GALNT13: variants seen among roughly 807,000 people sequenced by gnomAD.
GALNT13 encodes the protein UDP-GalNAc:polypeptide N-acetylgalactosaminyltransferase 13.
Under a neutral mutation model 64.2 loss-of-function variants are expected in GALNT13, and 28 were observed. That is an observed-to-expected ratio of 0.44 (90% CI 0.32 to 0.60). The LOEUF is 0.60. GALNT13 is among the 20% of genes least tolerant of loss of function. GALNT13 has a pLI of 0.05. For missense variants in GALNT13, 577 were observed against 669.8 expected (o/e 0.86, Z 1.53); for synonymous variants, 214 against 224.6 (o/e 0.95, Z 0.42).
chr2:153,402,951 C>A, the GALNT13 span, among the ~76,000 whole-genome samples: 2 of 152,182 alleles, frequency 1.3e-5, no homozygotes, highest in African/African-American at 4.8e-5. Context: ...CTCCATCCAG[C>A]TTTGTTCCGT....
In GALNT13 at chr2:154,259,085, T is replaced by TA. The variant is rs974360346; in HGVS notation, c.923dup (p.Tyr308Ter). ...AAACTACTTTGAAGAGATAGGAACTTACGATGCAGGAATGGATATCTGGGG... is the reference window on the plus strand; with the variant it reads ...AAACTACTTTGAAGAGATAGGAACTTAACGATGCAGGAATGGATATCTGGGG... ...DRNYFEEIGTYDAGMDIWGGE... is the reference protein window; with the variant it reads ...DRNYFEEIGT Residue 308 changes from tyrosine to a stop codon, truncating the protein, a stop_gained and frameshift_variant, in exon 8 of 13, where the codon TAC becomes TAAC. Transcript: ENST00000392825. LOFTEE classifies it high-confidence loss of function. The TA allele has an allele frequency of 1.9e-6, 3 of 1,609,952 alleles. No individual in the cohort carries two copies. Among genetic ancestry groups the TA allele is most frequent in the Admixed American group, 3.4e-5 (2 of 59,486 alleles).
At chr2:154,220,542 A>G (rs1688269887) in intron 4 of GALNT13, among the ~76,000 whole-genome samples, 1 of 152,098 alleles carries the variant, frequency 6.6e-6, no homozygotes, top group African/African-American at 2.4e-5. Context: ...ACATGTGCAC[A>G]TATGCATACA....
At chr2:153,930,948 C>T (rs1343294761) in intron 2 of GALNT13, among the ~76,000 whole-genome samples, 1 of 151,930 alleles carries the variant, frequency 6.6e-6, no homozygotes, top group East Asian at 1.9e-4. Flanking sequence ...ATTCTTCCTT[C>T]TCATGAGCAT....
chr2:153,851,604 C>G, the GALNT13 span, among the ~76,000 whole-genome samples: 1 of 151,610 alleles, frequency 6.6e-6, no homozygotes, highest in Non-Finnish European at 1.5e-5. Context: ...ACTTGGGAGG[C>G]TGAGGCAGGA....
At chr2:153,270,723 C>A in the GALNT13 span, among the ~76,000 whole-genome samples, 2 of 152,038 alleles carry the variant, frequency 1.3e-5, no homozygotes, top group Non-Finnish European at 2.9e-5. Context: ...AGATGGCACA[C>A]CCCTTGTAGA....
chr2:153,609,405 A>G, the GALNT13 span, among the ~76,000 whole-genome samples: 32 of 152,266 alleles, frequency 2.1e-4, no homozygotes, highest in Middle Eastern at 6.8e-3. Flanking sequence ...GACAACAACT[A>G]TTTTAAGTGT....
chr2:154,043,257 C>G (rs955753073), intron 3 of GALNT13, among the ~76,000 whole-genome samples: 1 of 151,046 alleles, frequency 6.6e-6, no homozygotes, highest in Admixed American at 6.6e-5. Flanking sequence ...TAGTTGATAT[C>G]GGAAAGCAAA....
chr2:154,303,656 G>A (rs1395315153), intron 9 of GALNT13, among the ~76,000 whole-genome samples: 3 of 152,058 alleles, frequency 2.0e-5, no homozygotes, highest in Non-Finnish European at 4.4e-5. Context: ...ACATTACACA[G>A]GGTTAAATAA....
the GALNT13 span, among the ~76,000 whole-genome samples, chr2:153,470,321 C>T: frequency 3.9e-5 from 6 of 152,100 alleles, no homozygotes; most frequent in African/African-American, 1.4e-4. Flanking sequence ...ACCAACTCTC[C>T]TCCCCCATGT....
At chr2:154,061,655 A>G (rs919337949) in intron 3 of GALNT13, among the ~76,000 whole-genome samples, 5 of 152,272 alleles carry the variant, frequency 3.3e-5, no homozygotes, top group South Asian at 2.1e-4. Flanking sequence ...GAGCCAAACC[A>G]TATCAACATT....
chr2:153,459,213 A>G, the GALNT13 span, among the ~76,000 whole-genome samples: 1 of 152,234 alleles, frequency 6.6e-6, no homozygotes, highest in Non-Finnish European at 1.5e-5. Flanking sequence ...GGAACATAAC[A>G]TAACAGACAA....
intron 3 of GALNT13, among the ~76,000 whole-genome samples, chr2:154,090,585 T>C (rs765025421): frequency 7.7e-4 from 117 of 152,026 alleles, no homozygotes; most frequent in Non-Finnish European, 1.3e-3. Context: ...TAAAATAACC[T>C]CTGTGACTGA....
the GALNT13 span, among the ~76,000 whole-genome samples, chr2:153,654,339 A>G: frequency 1.3e-5 from 2 of 152,094 alleles, no homozygotes; most frequent in African/African-American, 4.8e-5. Context: ...CAAATCAACT[A>G]TATAGAAAAA....
intron 7 of GALNT13, among the ~76,000 whole-genome samples, chr2:154,251,799 C>T (rs1162800266): frequency 6.6e-6 from 1 of 152,102 alleles, no homozygotes; most frequent in Non-Finnish European, 1.5e-5. Context: ...CTTTCTCTTT[C>T]CTCTGCTTTC....
At chr2:153,208,580 T>G in the GALNT13 span, among the ~76,000 whole-genome samples, 1 of 152,192 alleles carries the variant, frequency 6.6e-6, no homozygotes, top group Non-Finnish European at 1.5e-5. Context: ...ATTTCAATTT[T>G]TGGCAATTAT....
intron 9 of GALNT13, among the ~76,000 whole-genome samples, chr2:154,370,361 G>A (rs1697614435): frequency 6.6e-6 from 1 of 152,098 alleles, no homozygotes; most frequent in Non-Finnish European, 1.5e-5. Flanking sequence ...TGGCTATGTG[G>A]AATATTAGAT....
At chr2:153,671,907 C>T in the GALNT13 span, among the ~76,000 whole-genome samples, 1 of 152,124 alleles carries the variant, frequency 6.6e-6, no homozygotes, top group Non-Finnish European at 1.5e-5. Flanking sequence ...CAATCCTGGT[C>T]TCTGATAAAA....
At chr2:154,232,820 C>T (rs1688989361) in intron 4 of GALNT13, among the ~76,000 whole-genome samples, 1 of 151,022 alleles carries the variant, frequency 6.6e-6, no homozygotes, top group East Asian at 2.0e-4. Context: ...ATTGCTTGAG[C>T]TCAGGAGTTT....
chr2:153,089,177 AATTCTCTCAGC>A, the GALNT13 span, among the ~76,000 whole-genome samples: 22 of 152,112 alleles, frequency 1.4e-4, no homozygotes, highest in Non-Finnish European at 2.6e-4. Flanking sequence ...GGTAGTGGTG[AATTCTCTCAGC>A]ATTTGTTTTT....
Sources: allele counts gnomAD v4.1 joint callset (sites outside exome capture counted in the v4.1 genomes callset), GRCh38; gene constraint gnomAD v4.1.1; transcripts MANE v1.5; gene names NCBI Gene and HGNC (gene_info 2026-07-23, HGNC 2026-07-21).